Variants in KIF1A observed in about 807,000 individuals in gnomAD.
KIF1A encodes the protein kinesin-like protein KIF1A.
KIF1A carries 46 observed loss-of-function variants against 227.3 expected under a neutral mutation model. The observed-to-expected ratio is 0.20, with a 90% CI of 0.16 to 0.26. KIF1A has a LOEUF of 0.26. Ranked by LOEUF, KIF1A falls within the 10% of genes least tolerant of loss-of-function variation. The pLI is 1.00. For missense variants in KIF1A, 1,683 were observed against 2,485.9 expected (o/e 0.68, Z 6.87); for synonymous variants, 1,022 against 1,012.8 (o/e 1.01, Z -0.17).
chr2:240,734,661 G>A lies in KIF1A; in HGVS notation c.4007+2402C>T, dbSNP rs761758389. 1.8e-4 allele frequency: 224 copies of A among 1,262,090 alleles called. 1 individual carries two copies. The highest frequency in any genetic ancestry group is 4.3e-4 in the Middle Eastern group (2 of 4,654). 78.2% of individuals were successfully genotyped at this position (1,262,090 alleles called of 1,614,324 possible). On this transcript the variant is annotated intron_variant, in intron 38 of 48. Coordinates refer to ENST00000498729, the MANE Select transcript of KIF1A (RefSeq NM_001244008.2). ...ATGGGGGGCGGTCAGGGGAGGAGCA[G>A]GGAGGAAAGAAGAGGCTGAAATGAA...
intron 2 of KIF1A, among the ~76,000 whole-genome samples, chr2:240,791,541 C>T (rs577084961): frequency 1.8e-5 from 2 of 111,708 alleles, no homozygotes; most frequent in African/African-American, 6.8e-5. Context: ...TCGCCTCACC[C>T]CGCTGCACTC....
Position 240,757,491 on chromosome 2 carries a change from C to T in KIF1A, c.2686G>A (p.Asp896Asn), listed in dbSNP as rs1322013904. The change falls in exon 27 of 49, where the codon GAC becomes AAC. Residue 896 changes from aspartate to asparagine, a missense_variant. This residue lies in a region of KIF1A where 759 missense variants were observed against 1,020.2 expected (regional missense o/e 0.74). Coordinates refer to ENST00000498729, the MANE Select transcript of KIF1A (RefSeq NM_001244008.2). The surrounding 1 kb of genome is among the most constrained non-coding windows in gnomAD (Gnocchi z 6.2). ...PSPTFSSPDS[D>N]ATEPAEEQSV... ...TGCTCCTCGGCAGGCTCGGTGGCGTCGGAGTCGGGGCTCGAGAAGGTGGGG... is the reference window on the plus strand; with the variant it reads ...TGCTCCTCGGCAGGCTCGGTGGCGTTGGAGTCGGGGCTCGAGAAGGTGGGG... The T allele has an allele frequency of 5.8e-6, 9 of 1,550,380 alleles. No homozygotes were observed. Among genetic ancestry groups the T allele is most frequent in the South Asian group, 1.2e-5 (1 of 84,010 alleles).
chr2:240,804,188 C>T (rs1025620112), intron 1 of KIF1A, among the ~76,000 whole-genome samples: 6 of 152,184 alleles, frequency 3.9e-5, no homozygotes, highest in Admixed American at 2.0e-4. Context: ...ATTGCTTGAA[C>T]CTGGGAAGCA....
chr2:240,806,524 G>GTT (rs2057418106), intron 1 of KIF1A, among the ~76,000 whole-genome samples: 1 of 152,176 alleles, frequency 6.6e-6, no homozygotes, highest in East Asian at 1.9e-4. Flanking sequence ...ATTCCTGCAG[G>GTT]TGGTCTACTC....
Position 240,726,832 on chromosome 2 carries a change from A to G in KIF1A, c.4116T>C (p.Tyr1372=), listed in dbSNP as rs2125632706. Residue 1372 remains tyrosine, a synonymous_variant, in exon 39 of 49, where the codon TAT becomes TAC. Coordinates refer to ENST00000498729, the MANE Select transcript of KIF1A (RefSeq NM_001244008.2). This position sits in a 1 kb window ranked among gnomAD's most constrained non-coding sequence, Gnocchi z 5.2. ...CCTGGCATAGGTGCCTTGCCTCGAT[A>G]TAAGCGGAGAGTGTCATGTAGATTT... ...REKIYMTLSA[Y]IEMENCTQPA... 6.2e-7 allele frequency: 1 copy of G among 1,604,984 alleles called. No individual in the cohort carries two copies. Among genetic ancestry groups the G allele is most frequent in the Non-Finnish European group, 8.5e-7 (1 of 1,173,610 alleles).
chr2:240,741,445 A>C, intron 34 of KIF1A, 68 bp from the exon 35 acceptor site: 2 of 1,244,028 alleles, frequency 1.6e-6, no homozygotes, highest in Non-Finnish European at 1.1e-6. Flanking sequence ...GGGCACACTC[A>C]AGGAGGAGAT....
chr2:240,733,279 G>A (rs958727457), intron 38 of KIF1A, among the ~76,000 whole-genome samples: 23 of 152,144 alleles, frequency 1.5e-4, no homozygotes, highest in African/African-American at 5.1e-4. Context: ...AGATCTTTCC[G>A]AGCATGGGGA....
chr2:240,799,006 G>A (rs917215768), intron 1 of KIF1A, among the ~76,000 whole-genome samples: 1 of 152,176 alleles, frequency 6.6e-6, no homozygotes, highest in Non-Finnish European at 1.5e-5. Flanking sequence ...CTTCTGCCTG[G>A]TCGTCCCCAT....
intron 14 of KIF1A, 83 bp downstream of exon 14, chr2:240,772,487 C>T (rs2052143787): frequency 8.0e-7 from 1 of 1,242,780 alleles, no homozygotes; most frequent in Non-Finnish European, 1.1e-6. Context: ...GGGGTTCACC[C>T]CTCCCTGACC....
At chr2:240,767,692 G>C (rs995890338) in intron 17 of KIF1A, among the ~76,000 whole-genome samples, 2 of 152,256 alleles carry the variant, frequency 1.3e-5, no homozygotes, top group Non-Finnish European at 2.9e-5. Context: ...CTGAGGCTGG[G>C]GTGAGCCCCC....
chr2:240,781,463 CCACACACA>C (rs34158686), intron 10 of KIF1A, among the ~76,000 whole-genome samples: 13 of 28,602 alleles, frequency 4.5e-4, no homozygotes, highest in African/African-American at 2.0e-3. Context: ...ACACACAGCT[CCACACACA>C]CACACACACA....
At chr2:240,821,109 A>G (rs1484245678), upstream of KIF1A, among the ~76,000 whole-genome samples, 7 of 151,690 alleles carry the variant, frequency 4.6e-5, no homozygotes, top group African/African-American at 1.7e-4. Context: ...GCCTCTGGGC[A>G]GCTCGCCCAT....
intron 48 of KIF1A, 86 bp from the exon 49 acceptor site, chr2:240,717,492 G>A (rs546283159): frequency 5.8e-5 from 73 of 1,250,596 alleles, no homozygotes; most frequent in Middle Eastern, 1.9e-4. Flanking sequence ...GCAGGCAGCC[G>A]TGAGGGGCAG....
chr2:240,753,301 G>A (rs976192165), intron 27 of KIF1A, among the ~76,000 whole-genome samples: 1 of 152,226 alleles, frequency 6.6e-6, no homozygotes, highest in African/African-American at 2.4e-5. Flanking sequence ...ACTGAGGCAG[G>A]GGCCAGGCCC....
intron 41 of KIF1A, 106 bp downstream of exon 41, chr2:240,723,869 C>G (rs2045687326): frequency 1.0e-6 from 1 of 988,696 alleles, no homozygotes; most frequent in South Asian, 1.3e-5. Context: ...TGCTTGGGTT[C>G]TGTGAGGGAT....
At chr2:240,774,783 C>T (rs774494697) in intron 11 of KIF1A, among the ~76,000 whole-genome samples, 9 of 152,180 alleles carry the variant, frequency 5.9e-5, no homozygotes, top group Non-Finnish European at 1.3e-4. Context: ...TAGGTAACCT[C>T]AGCCATCGGA....
chr2:240,804,912 C>T (rs913331848), intron 1 of KIF1A, among the ~76,000 whole-genome samples: 1 of 151,470 alleles, frequency 6.6e-6, no homozygotes, highest in Non-Finnish European at 1.5e-5. Flanking sequence ...CACATATGAA[C>T]ATCAGCCAAA....
Position 240,736,309 on chromosome 2 carries a change from G to A in KIF1A, c.4007+754C>T, listed in dbSNP as rs1029259574. Reference sequence around the variant, plus strand: ...ATGAGCCAGGTCGAGCCCCCAGGGAGCAGCCAGGACTGGACACTGGAGCCC... The same window carrying A: ...ATGAGCCAGGTCGAGCCCCCAGGGAACAGCCAGGACTGGACACTGGAGCCC... On this transcript the variant is annotated intron_variant, in intron 38 of 48. Coordinates refer to ENST00000498729, the MANE Select transcript of KIF1A (RefSeq NM_001244008.2). The surrounding 1 kb of genome is among the most constrained non-coding windows in gnomAD (Gnocchi z 4.7). 6.6e-6 allele frequency among the ~76,000 whole-genome samples: 1 copy of A among 152,106 alleles called. No individual in the cohort carries two copies. The highest frequency in any genetic ancestry group is 2.4e-5 in the African/African-American group (1 of 41,418).
rs115520357 is a variant in KIF1A, at chr2:240,791,791, G to T, written c.107-2479C>A. Among the ~76,000 whole-genome samples, 737 of 152,270 alleles carry T rather than the reference G, an allele frequency of 4.8e-3. 2 individuals carry two copies. Among genetic ancestry groups the T allele is most frequent in the Non-Finnish European group, 7.0e-3 (474 of 67,988 alleles). On this transcript the variant is annotated intron_variant, in intron 2 of 48. Transcript: ENST00000498729. ...GCAGCACAGGTGAGTGGGCGGGAGT[G>T]GGGCTCAGTTGCAGCTGTAAATGGC...
Sources: allele counts gnomAD v4.1 joint callset (sites outside exome capture counted in the v4.1 genomes callset), GRCh38; gene constraint gnomAD v4.1.1; regional missense constraint gnomAD v4.1.1; non-coding constraint Gnocchi (gnomAD v3.1); transcripts MANE v1.5; gene names NCBI Gene and HGNC (gene_info 2026-07-23, HGNC 2026-07-21).